The following RBMS3 variants were observed in gnomAD, a reference collection of about 807,000 sequenced individuals.
RBMS3 encodes the protein RNA-binding motif, single-stranded-interacting protein 3.
Under a neutral mutation model 66.8 loss-of-function variants are expected in RBMS3, and 27 were observed. That is an observed-to-expected ratio of 0.40 (90% CI 0.30 to 0.56). The LOEUF (loss-of-function observed/expected upper bound fraction) is 0.56. RBMS3 is among the 20% of genes least tolerant of loss of function. The pLI is 0.40. For missense variants in RBMS3, 513 were observed against 549.5 expected (o/e 0.93, Z 0.66); for synonymous variants, 188 against 183.0 (o/e 1.03, Z -0.22).
At chr3:29,402,230 C>T (rs917320598) in intron 1 of RBMS3, among the ~76,000 whole-genome samples, 1 of 152,056 alleles carries the variant, frequency 6.6e-6, no homozygotes, top group Non-Finnish European at 1.5e-5. Flanking sequence ...ATGTAGGAAA[C>T]ATTATTCTAA....
chr3:29,320,062 G>C (rs1228199120), intron 1 of RBMS3, among the ~76,000 whole-genome samples: 1 of 151,966 alleles, frequency 6.6e-6, no homozygotes, highest in African/African-American at 2.4e-5. Context: ...CCATGTAAAA[G>C]GAGGCAACTG....
At chr3:29,886,274 G>T (rs932019256) in intron 8 of RBMS3, among the ~76,000 whole-genome samples, 5 of 151,748 alleles carry the variant, frequency 3.3e-5, no homozygotes, top group African/African-American at 9.7e-5. Context: ...TATCAAAATA[G>T]CTTATATGGA....
At chr3:29,566,736 C>T (rs1257713495) in intron 3 of RBMS3, among the ~76,000 whole-genome samples, 1 of 151,186 alleles carries the variant, frequency 6.6e-6, no homozygotes, top group Non-Finnish European at 1.5e-5. Flanking sequence ...ATGACAGATG[C>T]CTGGTTGCTG....
chr3:29,530,242 A>AG (rs2045298742), intron 3 of RBMS3, among the ~76,000 whole-genome samples: 1 of 152,230 alleles, frequency 6.6e-6, no homozygotes, highest in South Asian at 2.1e-4. Flanking sequence ...ATATTTGTGC[A>AG]GGAATTAATC....
chr3:29,854,738 G>C (rs6792963), intron 6 of RBMS3, among the ~76,000 whole-genome samples: 64,601 of 152,054 alleles, frequency 0.42, 14,460 homozygotes, highest in African/African-American at 0.56. Context: ...TGAAACAAAT[G>C]AGAGAGCTTT....
At chr3:29,536,717 C>G (rs1266000291) in intron 3 of RBMS3, among the ~76,000 whole-genome samples, 2 of 152,110 alleles carry the variant, frequency 1.3e-5, no homozygotes, top group African/African-American at 2.4e-5. Flanking sequence ...TCCAGGCAGG[C>G]CAATTAATTG....
At chr3:29,458,315 T>A (rs2125774532) in intron 2 of RBMS3, among the ~76,000 whole-genome samples, 1 of 152,332 alleles carries the variant, frequency 6.6e-6, no homozygotes, top group African/African-American at 2.4e-5. Flanking sequence ...AGTATTTATC[T>A]GTATATTATA....
chr3:29,297,106 G>A (rs1051034399), intron 1 of RBMS3, among the ~76,000 whole-genome samples: 3 of 151,672 alleles, frequency 2.0e-5, no homozygotes, highest in African/African-American at 4.8e-5. Context: ...AGTAATAGTT[G>A]TGGGAGGTCC....
intron 3 of RBMS3, among the ~76,000 whole-genome samples, chr3:29,504,136 G>C (rs900340394): frequency 6.6e-6 from 1 of 152,058 alleles, no homozygotes; most frequent in Non-Finnish European, 1.5e-5. Flanking sequence ...TAAGTTTAGA[G>C]AGGAAATTCT....
rs1419125494 is a variant in RBMS3, at chr3:30,008,643, C to G, written c.*4781C>G. 8.6e-5 allele frequency: 13 copies of G among 152,042 alleles called. 1 individual carries two copies. Among genetic ancestry groups the G allele is most frequent in the Admixed American group, 8.5e-4 (13 of 15,250 alleles). 9.4% of individuals were successfully genotyped at this position (152,042 alleles called of 1,614,324 possible). On this transcript the variant is annotated 3_prime_UTR_variant, in exon 15 of 15. Coordinates refer to ENST00000383767, the MANE Select transcript of RBMS3 (RefSeq NM_001003793.3). ...CAGAATTTAAACAGGCTCATTGATT[C>G]TGTACACTCTACCCTTCCTGTGGCA...
At chr3:29,955,261 G>A (rs899399602) in intron 12 of RBMS3, among the ~76,000 whole-genome samples, 9 of 151,886 alleles carry the variant, frequency 5.9e-5, no homozygotes, top group East Asian at 1.9e-4. Flanking sequence ...AGGAGTCAGC[G>A]GGTTCTCATT....
chr3:29,979,997 TG>T (rs2149780077), intron 12 of RBMS3, among the ~76,000 whole-genome samples: 1 of 152,334 alleles, frequency 6.6e-6, no homozygotes, highest in East Asian at 1.9e-4. Flanking sequence ...TCTAGATCCC[TG>T]AGGAATTGCC....
At position 30,003,957 on chromosome 3, in the gene RBMS3, A is replaced by G; in HGVS notation, c.*95A>G. ...TTCCAGTTTGCACAGACGTCAATGG[A>G]ATGCATTTTTTTGTTGTTGTTGTTG... is the stretch of plus-strand genomic sequence containing the variant. On this transcript the variant is annotated 3_prime_UTR_variant, in exon 15 of 15. Coordinates refer to ENST00000383767, the MANE Select transcript of RBMS3 (RefSeq NM_001003793.3). The G allele has an allele frequency of 9.2e-7, 1 of 1,088,118 alleles. No individual in the cohort carries two copies. Among genetic ancestry groups the G allele is most frequent in the South Asian group, 2.8e-5 (1 of 35,262 alleles). 67.4% of individuals were successfully genotyped at this position (1,088,118 alleles called of 1,614,324 possible).
intron 1 of RBMS3, among the ~76,000 whole-genome samples, chr3:29,358,873 T>A (rs1324880149): frequency 6.6e-6 from 1 of 152,228 alleles, no homozygotes; most frequent in African/African-American, 2.4e-5. Flanking sequence ...GTAAGAATGC[T>A]TGTGATTTTT....
At chr3:29,746,478 CT>C (rs2054898873) in intron 5 of RBMS3, among the ~76,000 whole-genome samples, 1 of 152,120 alleles carries the variant, frequency 6.6e-6, no homozygotes, top group East Asian at 1.9e-4. Flanking sequence ...ATGTTTCATT[CT>C]TTTTGGTAAT....
At chr3:29,647,650 G>A (rs1399072747) in intron 4 of RBMS3, among the ~76,000 whole-genome samples, 1 of 152,144 alleles carries the variant, frequency 6.6e-6, no homozygotes, top group Non-Finnish European at 1.5e-5. Context: ...TCTCTCGCAG[G>A]CTGGGTATTC....
chr3:29,783,888 G>C (rs2056728822), intron 6 of RBMS3, among the ~76,000 whole-genome samples: 1 of 152,110 alleles, frequency 6.6e-6, no homozygotes, highest in Non-Finnish European at 1.5e-5. Context: ...AAGTGAGCAG[G>C]AGTAGCTATG....
intron 6 of RBMS3, among the ~76,000 whole-genome samples, chr3:29,820,244 T>TAAAAAAAAAAAA (rs2058042921): frequency 9.0e-6 from 1 of 111,118 alleles, no homozygotes; most frequent in African/African-American, 3.4e-5. Flanking sequence ...AAAAAAAAAT[T>TAAAAAAAAAAAA]AGGTGGCAGA....
intron 1 of RBMS3, among the ~76,000 whole-genome samples, chr3:29,407,423 T>G (rs999074020): frequency 1.3e-5 from 2 of 152,158 alleles, no homozygotes; most frequent in Non-Finnish European, 2.9e-5. Flanking sequence ...GGCTGAACAT[T>G]AAGGGTGATC....
Sources: gnomAD v4.1 joint callset for allele counts (sites outside exome capture counted in the v4.1 genomes callset) on GRCh38, gnomAD v4.1.1 for gene constraint, MANE v1.5 for transcripts, NCBI Gene and HGNC (gene_info 2026-07-23, HGNC 2026-07-21) for gene names.